Variants in TRAF3IP1 observed in about 807,000 individuals in gnomAD.
The protein encoded by TRAF3IP1 is intraflagellar transport 54, also known as TRAF3-interacting protein 1.
In TRAF3IP1, 53 loss-of-function variants were observed where a neutral mutation model predicts 89.9. The ratio of observed to expected loss-of-function variants is 0.59; its 90% CI spans 0.47 to 0.74. The LOEUF is 0.74. TRAF3IP1 is among the 30% of genes least tolerant of loss of function. The pLI is 0.00. For missense variants in TRAF3IP1, 806 were observed against 866.1 expected (o/e 0.93, Z 0.87); for synonymous variants, 311 against 322.1 (o/e 0.97, Z 0.37).
chr2:238,352,202 C>G (rs568904237), intron 12 of TRAF3IP1, among the ~76,000 whole-genome samples: 2 of 152,032 alleles, frequency 1.3e-5, no homozygotes, highest in African/African-American at 2.4e-5. Flanking sequence ...AGGACAAGGT[C>G]TGGGGCTGGA....
At chr2:238,321,243 T>G (rs914259348) in intron 1 of TRAF3IP1, among the ~76,000 whole-genome samples, 2 of 152,220 alleles carry the variant, frequency 1.3e-5, no homozygotes, top group African/African-American at 4.8e-5. Flanking sequence ...TCTTCCATTA[T>G]TGCTGGCAGA....
Position 238,399,010 on chromosome 2 carries a change from T to A in TRAF3IP1, c.*91T>A. Reference sequence around the variant, plus strand: ...ATTACTCTTTTAAGTTCCAGTTTGCTAAGAAAATGAACAGTTTACAATGTT... The same window carrying A: ...ATTACTCTTTTAAGTTCCAGTTTGCAAAGAAAATGAACAGTTTACAATGTT... On this transcript the variant is annotated 3_prime_UTR_variant, in exon 17 of 17. Transcript: ENST00000373327. The A allele has an allele frequency of 8.3e-7, 1 of 1,198,632 alleles. No individual in the cohort carries two copies. Among genetic ancestry groups the A allele is most frequent in the Non-Finnish European group, 1.2e-6 (1 of 858,780 alleles). The allele number at this position is 1,198,632 out of a possible 1,614,324, so 74.2% of individuals were successfully genotyped here.
chr2:238,375,067 T>A (rs1700260468), intron 15 of TRAF3IP1, among the ~76,000 whole-genome samples: 1 of 152,188 alleles, frequency 6.6e-6, no homozygotes, highest in Non-Finnish European at 1.5e-5. Context: ...TTGTTGATCT[T>A]TTCAAAAAAC....
In TRAF3IP1 at chr2:238,333,954, T is replaced by C; in HGVS notation, c.988-6T>C. 1 of 1,601,084 alleles carries C rather than the reference T, an allele frequency of 6.2e-7. No homozygotes were observed. The highest frequency in any genetic ancestry group is 2.2e-5 in the East Asian group (1 of 44,820). On this transcript the variant is annotated splice_region_variant and splice_polypyrimidine_tract_variant and intron_variant, in intron 6 of 16. Transcript: ENST00000373327. Reference sequence around the variant, plus strand: ...ATTAATTTCTTTTCATTCTTTTTTCTTTAAGACTGAGATTTCCACTAGAGC... The same window carrying C: ...ATTAATTTCTTTTCATTCTTTTTTCCTTAAGACTGAGATTTCCACTAGAGC...
chr2:238,334,120 G>A (rs186611697), intron 7 of TRAF3IP1, 85 bp downstream of exon 7: 2 of 997,732 alleles, frequency 2.0e-6, no homozygotes, highest in Admixed American at 5.0e-5. Flanking sequence ...TAGTAGGAAA[G>A]AACTCCTATG....
intron 11 of TRAF3IP1, among the ~76,000 whole-genome samples, 163 bp downstream of exon 11, chr2:238,349,011 T>C (rs1396487687): frequency 6.6e-6 from 1 of 152,014 alleles, no homozygotes; most frequent in African/African-American, 2.4e-5. Flanking sequence ...TGTACTGGAG[T>C]TATATCACTA....
chr2:238,367,182 A>G (rs1017792723), intron 15 of TRAF3IP1, among the ~76,000 whole-genome samples: 2 of 150,634 alleles, frequency 1.3e-5, no homozygotes, highest in East Asian at 1.9e-4. Context: ...AAAAAAAAAA[A>G]AAAAAAAGAA....
At chr2:238,333,004 T>G (rs1287861882) in intron 6 of TRAF3IP1, 109 bp downstream of exon 6, 1 of 772,436 alleles carries the variant, frequency 1.3e-6, no homozygotes, top group Admixed American at 2.3e-5. Context: ...GCACATGGTC[T>G]GGGCCTATCT....
rs913415304 is a variant in TRAF3IP1, at chr2:238,345,732, A to G, written c.1261+1134A>G. On this transcript the variant is annotated intron_variant, in intron 9 of 16. Transcript: ENST00000373327. This position sits in a 1 kb window ranked among gnomAD's most constrained non-coding sequence, Gnocchi z 4.7. Reference sequence around the variant, plus strand: ...CTGGGGGAGCTGGCCTGGAGCGTAGAGGGAAGGCCCAGGCTAGAGAGGAGC... The same window carrying G: ...CTGGGGGAGCTGGCCTGGAGCGTAGGGGGAAGGCCCAGGCTAGAGAGGAGC... Among the ~76,000 whole-genome samples, 1 of 152,076 alleles carries G rather than the reference A, an allele frequency of 6.6e-6. No individual in the cohort carries two copies. The highest frequency in any genetic ancestry group is 2.4e-5 in the African/African-American group (1 of 41,404).
intron 15 of TRAF3IP1, among the ~76,000 whole-genome samples, chr2:238,374,012 A>G (rs75090993): frequency 0.018 from 2,723 of 152,332 alleles, 85 homozygotes; most frequent in African/African-American, 0.062. Context: ...TTGCTTAATC[A>G]GCTTAAGGAT....
At chr2:238,353,323 C>G (rs551391851) in intron 14 of TRAF3IP1, 114 bp downstream of exon 14, 17 of 1,131,302 alleles carry the variant, frequency 1.5e-5, no homozygotes, top group Non-Finnish European at 2.2e-5. Context: ...AGGTTCTGGT[C>G]TGGGTCACAC....
chr2:238,344,390 T>A, intron 8 of TRAF3IP1, 107 bp from the exon 9 acceptor site: 1 of 855,278 alleles, frequency 1.2e-6, no homozygotes. Flanking sequence ...TAACTTGCAG[T>A]GTGGGAAAAC....
rs1047537376 is a variant in TRAF3IP1 at position 238,332,062 on chromosome 2, C to G, written c.916-762C>G. Among the ~76,000 whole-genome samples, 4 of 152,362 alleles carry G rather than the reference C, an allele frequency of 2.6e-5. No homozygotes were observed. The East Asian group carries it at 7.7e-4, about 29-fold the overall frequency. The stretch of plus-strand genomic sequence containing the variant: ...GTGGGGGTCCCAGGCCCCTGCTTAA[C>G]TGCCTCTTTTATGGGTAGCACGTGT... On this transcript the variant is annotated intron_variant, in intron 5 of 16. Coordinates refer to ENST00000373327, the MANE Select transcript of TRAF3IP1 (RefSeq NM_015650.4).
At chr2:238,353,074 T>C (rs1005259633) in intron 13 of TRAF3IP1, 99 bp from the exon 14 acceptor site, 1 of 1,558,760 alleles carries the variant, frequency 6.4e-7, no homozygotes, top group Non-Finnish European at 8.8e-7. Context: ...TTTTCTACCT[T>C]CGTTAATTTT....
At chr2:238,321,152 C>T (rs995955390) in intron 1 of TRAF3IP1, among the ~76,000 whole-genome samples, 1 of 152,224 alleles carries the variant, frequency 6.6e-6, no homozygotes, top group Non-Finnish European at 1.5e-5. Context: ...CGGCTCCGGG[C>T]CGCCGCTTAC....
chr2:238,382,685 A>T (rs571758859), intron 15 of TRAF3IP1, among the ~76,000 whole-genome samples: 1 of 152,170 alleles, frequency 6.6e-6, no homozygotes, highest in South Asian at 2.1e-4. Context: ...GCTTCCTCCC[A>T]GACAGACCTC....
chr2:238,352,972 G>A, intron 13 of TRAF3IP1, 22 bp downstream of exon 13: 2 of 1,597,712 alleles, frequency 1.3e-6, no homozygotes, highest in Non-Finnish European at 1.7e-6. Flanking sequence ...GAAATATGAT[G>A]TTTTTTAATA....
At chr2:238,342,690 AT>A (rs948005996) in intron 8 of TRAF3IP1, among the ~76,000 whole-genome samples, 62 of 151,490 alleles carry the variant, frequency 4.1e-4, no homozygotes, top group African/African-American at 1.1e-3. Flanking sequence ...TTATTTTTAG[AT>A]TTTTTTTTGT....
chr2:238,367,179 A>AAAG (rs1423952522), intron 15 of TRAF3IP1, among the ~76,000 whole-genome samples: 2 of 150,836 alleles, frequency 1.3e-5, no homozygotes, highest in African/African-American at 2.4e-5. Flanking sequence ...AAAAAAAAAA[A>AAAG]AAAAAAAAAA....
Sources: gnomAD v4.1 joint callset for allele counts (sites outside exome capture counted in the v4.1 genomes callset) on GRCh38, gnomAD v4.1.1 for gene constraint, Gnocchi (gnomAD v3.1) non-coding constraint, MANE v1.5 for transcripts, NCBI Gene and HGNC (gene_info 2026-07-23, HGNC 2026-07-21) for gene names.